The following IL21R variants were observed in gnomAD, a reference collection of about 807,000 sequenced individuals.
IL21R encodes the protein interleukin-21 receptor.
In IL21R, 14 loss-of-function variants were observed where a neutral mutation model predicts 41.3. That is an observed-to-expected ratio of 0.34 (90% CI 0.22 to 0.53). The LOEUF is 0.53. IL21R is among the 20% of genes least tolerant of loss of function. The pLI is 0.94. For missense variants in IL21R, 588 were observed against 681.6 expected, an observed-to-expected ratio of 0.86 and a Z score of 1.53; for synonymous variants, 286 against 287.6, an observed-to-expected ratio of 0.99 and a Z score of 0.05.
At chr16:27,407,945 C>T (rs772839780) in intron 1 of IL21R, among the ~76,000 whole-genome samples, 4 of 152,188 alleles carry the variant, frequency 2.6e-5, no homozygotes, top group African/African-American at 4.8e-5. Context: ...TTGGAGTGTA[C>T]GGTCTACATA....
chr16:27,434,562 C>T (rs2087234191), intron 3 of IL21R, 113 bp downstream of exon 3: 1 of 691,660 alleles, frequency 1.4e-6, no homozygotes, highest in Admixed American at 2.2e-5. Context: ...TTTCAGACAA[C>T]CACTCAGGGC....
intron 1 of IL21R, among the ~76,000 whole-genome samples, chr16:27,411,152 T>G (rs553873079): frequency 1.9e-4 from 29 of 152,288 alleles, no homozygotes; most frequent in African/African-American, 6.7e-4. Context: ...TGAGATGCTG[T>G]TTTTATTTCT....
At position 27,451,463 on chromosome 16, in the gene IL21R, CT is replaced by C. The variant is rs2087597340; in HGVS notation, c.*2183del. The C allele has an allele frequency of 4.6e-6, 1 of 216,492 alleles. No homozygotes were observed. Among genetic ancestry groups the C allele is most frequent in the Non-Finnish European group, 9.3e-6 (1 of 107,596 alleles). 13.4% of individuals were successfully genotyped at this position (216,492 alleles called of 1,614,324 possible). ...GTGGCTCACACCTGTGATCTCAGCA[CT>C]TTGGGAGGCCAAGGAAGGTGGATCA... On this transcript the variant is annotated 3_prime_UTR_variant, in exon 9 of 9. Transcript: ENST00000337929.
At chr16:27,433,259 G>A (rs920954935) in intron 2 of IL21R, among the ~76,000 whole-genome samples, 2 of 152,188 alleles carry the variant, frequency 1.3e-5, no homozygotes, top group African/African-American at 4.8e-5. Flanking sequence ...TTGAGCTCAG[G>A]AGATTGAGAC....
chr16:27,411,845 C>A (rs895051643), intron 1 of IL21R, among the ~76,000 whole-genome samples: 1 of 152,180 alleles, frequency 6.6e-6, no homozygotes, highest in African/African-American at 2.4e-5. Context: ...AACCCCATAT[C>A]TCTTGTATGG....
intron 1 of IL21R, among the ~76,000 whole-genome samples, chr16:27,413,568 G>C (rs1309528835): frequency 7.3e-6 from 1 of 136,612 alleles, no homozygotes; most frequent in Non-Finnish European, 1.6e-5. Flanking sequence ...AAGCCATTTG[G>C]TCTTGGCCTT....
intron 1 of IL21R, among the ~76,000 whole-genome samples, chr16:27,417,455 C>T (rs1190060599): frequency 3.3e-5 from 5 of 152,224 alleles, no homozygotes; most frequent in African/African-American, 1.2e-4. Flanking sequence ...GCATGAGCTA[C>T]TGCATCTGGT....
rs2087573125 is a variant in IL21R, at chr16:27,450,442, C to T, written c.*1159C>T. 1 of 231,502 alleles carries T rather than the reference C, an allele frequency of 4.3e-6. No homozygotes were observed. Among genetic ancestry groups the T allele is most frequent in the South Asian group, 1.8e-4 (1 of 5,518 alleles). The allele number at this position is 231,502 out of a possible 1,614,324, so 14.3% of individuals were successfully genotyped here. ...GCCCCCTACCCTGCCCCAATTCAATCCTGCCAATAAATCCTGTCTTATTTG... is the reference window on the plus strand; with the variant it reads ...GCCCCCTACCCTGCCCCAATTCAATTCTGCCAATAAATCCTGTCTTATTTG... On this transcript the variant is annotated 3_prime_UTR_variant, in exon 9 of 9. Transcript: ENST00000337929.
intron 2 of IL21R, among the ~76,000 whole-genome samples, chr16:27,432,176 G>A (rs910257058): frequency 4.6e-5 from 7 of 152,196 alleles, no homozygotes; most frequent in African/African-American, 1.2e-4. Flanking sequence ...ACGTCAAACC[G>A]TAGCACGGCC....
intron 4 of IL21R, among the ~76,000 whole-genome samples, chr16:27,439,106 G>A (rs2087326141): frequency 6.6e-6 from 1 of 152,146 alleles, no homozygotes; most frequent in Non-Finnish European, 1.5e-5. Flanking sequence ...TTCACACTCT[G>A]GGGGTCCAGG....
At chr16:27,412,461 G>A (rs1489856973) in intron 1 of IL21R, among the ~76,000 whole-genome samples, 1 of 147,756 alleles carries the variant, frequency 6.8e-6, no homozygotes, top group East Asian at 2.0e-4. Context: ...AGATTATTTT[G>A]GCTATTTAGG....
intron 1 of IL21R, among the ~76,000 whole-genome samples, chr16:27,403,371 T>C (rs1378054670): frequency 6.6e-6 from 1 of 151,996 alleles, no homozygotes; most frequent in Non-Finnish European, 1.5e-5. Context: ...AGGAATGACG[T>C]CTCTGCTCAG....
In IL21R at chr16:27,449,136, T is replaced by C; in HGVS notation, c.1470T>C (p.Phe490=). 6.2e-7 allele frequency: 1 copy of C among 1,613,420 alleles called. No homozygotes were observed. Among genetic ancestry groups the C allele is most frequent in the East Asian group, 2.2e-5 (1 of 44,888 alleles). The change falls in exon 9 of 9, where the codon TTT becomes TTC. Residue 490 remains phenylalanine, a synonymous_variant. Coordinates refer to ENST00000337929, the MANE Select transcript of IL21R (RefSeq NM_181078.3). ...SPLAGLDMDT[F]DSGFVGSDCS... ...TGGCCGGCCTGGATATGGACACGTT[T>C]GACAGTGGCTTTGTGGGCTCTGACT...
intron 1 of IL21R, among the ~76,000 whole-genome samples, chr16:27,429,022 G>A (rs2087123228): frequency 6.6e-6 from 1 of 152,084 alleles, no homozygotes; most frequent in African/African-American, 2.4e-5. Context: ...CCAGGAGTTC[G>A]AGACCAGCCT....
At chr16:27,444,104 C>T (rs957537400) in intron 5 of IL21R, 1 of 152,000 alleles carries the variant, frequency 6.6e-6, no homozygotes, top group African/African-American at 2.4e-5. Context: ...AGTATGTCAA[C>T]TCTTGGAATT....
chr16:27,436,603 C>T (rs889091993), intron 3 of IL21R, among the ~76,000 whole-genome samples: 11 of 152,252 alleles, frequency 7.2e-5, no homozygotes, highest in South Asian at 2.1e-4. Flanking sequence ...AATTAATATC[C>T]GGTAAACTAC....
chr16:27,446,146 C>T, intron 8 of IL21R, 58 bp downstream of exon 8: 1 of 1,384,020 alleles, frequency 7.2e-7, no homozygotes, highest in Non-Finnish European at 1.0e-6. Context: ...TCAGGAGCCC[C>T]ACCTCCCCTC....
intron 2 of IL21R, 63 bp downstream of exon 2, chr16:27,430,183 C>G: frequency 6.8e-7 from 1 of 1,464,334 alleles, no homozygotes; most frequent in South Asian, 1.2e-5. Flanking sequence ...GAGCCAGGGC[C>G]GGGCTGGCTT....
chr16:27,448,210 T>G (rs2087518128), intron 8 of IL21R: 1 of 274,138 alleles, frequency 3.6e-6, no homozygotes, highest in South Asian at 6.5e-5. Context: ...ATCCCAACAC[T>G]TTGGGAGGCT....
Sources: allele counts gnomAD v4.1 joint callset (sites outside exome capture counted in the v4.1 genomes callset), GRCh38; gene constraint gnomAD v4.1.1; transcripts MANE v1.5; gene names NCBI Gene and HGNC (gene_info 2026-07-23, HGNC 2026-07-21).